The following ABCC11 variants were observed in gnomAD, a reference collection of about 807,000 sequenced individuals.
ABCC11 encodes ATP-binding cassette sub-family C member 11.
In ABCC11, 135 loss-of-function variants were observed where a neutral mutation model predicts 149.3. The observed-to-expected ratio is 0.90, with a 90% CI of 0.79 to 1.04. ABCC11 has a LOEUF of 1.04. ABCC11 is among the 50% of genes least tolerant of loss of function. ABCC11 has a pLI of 0.00. For synonymous variants in ABCC11, 665 were observed against 671.4 expected, an observed-to-expected ratio of 0.99 and a Z score of 0.15; for missense variants, 1,680 against 1,722.1, an observed-to-expected ratio of 0.98 and a Z score of 0.43.
chr16:48,192,555 C>T lies in ABCC11; in HGVS notation c.2671G>A (p.Ala891Thr). 2 of 1,614,238 alleles carry T rather than the reference C, an allele frequency of 1.2e-6. No homozygotes were observed. The highest frequency in any genetic ancestry group is 1.7e-6 in the Non-Finnish European group (2 of 1,180,058). Residue 891 changes from alanine to threonine, a missense_variant, in exon 20 of 30, where the codon GCA becomes ACA. Ala to Thr is a moderately conservative substitution (Grantham distance 58). Transcript: ENST00000356608. The stretch of plus-strand genomic sequence containing the variant: ...AGCTTGTTGTGCAGGGCCGTGGATG[C>T]CTTCCTCGTGACCTTGGTGAAAATC... Reference protein sequence around the residue: ...SGIFTKVTRKASTALHNKLFN... With the variant: ...SGIFTKVTRKTSTALHNKLFN...
Position 48,216,227 on chromosome 16 carries a change from G to T in ABCC11, c.838C>A (p.Leu280Ile). ...AGCGATGCGCAGGTGATCAGTACTA[G>T]GGGTCCATAGCACACCCCTTCAAAC... is the stretch of plus-strand genomic sequence containing the variant. ...YLFEGVCYGP[L>I]VLITCASLVI... Residue 280 changes from leucine (L) to isoleucine (I), a missense_variant, in exon 7 of 30, where the codon CTA (leucine) becomes ATA (isoleucine). Leu to Ile is a conservative substitution (Grantham distance 5). Coordinates refer to ENST00000356608, the MANE Select transcript of ABCC11 (RefSeq NM_001370497.1). The T allele has an allele frequency of 6.2e-7, 1 of 1,614,124 alleles. No individual in the cohort carries two copies. Among genetic ancestry groups the T allele is most frequent in the South Asian group, 1.1e-5 (1 of 91,078 alleles).
chr16:48,183,505 G>A (rs993422628), intron 23 of ABCC11, among the ~76,000 whole-genome samples: 1 of 152,198 alleles, frequency 6.6e-6, no homozygotes, highest in Non-Finnish European at 1.5e-5. Flanking sequence ...GTTAACACCT[G>A]AGTGCCAGCA....
At chr16:48,165,731 A>G (rs1019116559), downstream of ABCC11, 2 of 152,184 alleles carry the variant, frequency 1.3e-5, no homozygotes, top group African/African-American at 4.8e-5. Context: ...CAGGGACACC[A>G]TTTCATCCCC....
rs760378325 is a variant in ABCC11 at position 48,198,229 on chromosome 16, A to AT, written c.2128dup (p.Ile710AsnfsTer3). On this transcript the variant is annotated frameshift_variant, in exon 16 of 30. Coordinates refer to ENST00000356608, the MANE Select transcript of ABCC11 (RefSeq NM_001370497.1). LOFTEE classifies it high-confidence loss of function. ...CTCACTGTGAGTTCCATTTTCACAG[A>AT]TTTTCCCATTTTCCAACAAAATGAT... 1.9e-6 allele frequency: 3 copies of AT among 1,614,184 alleles called. No individual in the cohort carries two copies. Among genetic ancestry groups the AT allele is most frequent in the East Asian group, 2.2e-5 (1 of 44,886 alleles).
intron 10 of ABCC11, 64 bp downstream of exon 10, chr16:48,213,379 A>G (rs1235572051): frequency 2.1e-6 from 3 of 1,435,274 alleles, no homozygotes; most frequent in African/African-American, 1.4e-5. Context: ...GAGGAACATC[A>G]TGGGGGCTGA....
chr16:48,195,423 G>A (rs377110548), intron 18 of ABCC11, among the ~76,000 whole-genome samples: 18 of 152,202 alleles, frequency 1.2e-4, no homozygotes, highest in African/African-American at 2.9e-4. Context: ...TGGGGACGGC[G>A]TTCTGTGTGC....
At position 48,167,312 on chromosome 16, in the gene ABCC11, C is replaced by T. The variant is rs139034695; in HGVS notation, c.4111G>A (p.Ala1371Thr). The T allele has an allele frequency of 9.2e-5, 86 of 932,004 alleles. No individual in the cohort carries two copies. Among genetic ancestry groups the T allele is most frequent in the Middle Eastern group, 2.1e-4 (1 of 4,712 alleles). The allele number at this position is 932,004 out of a possible 1,614,324, so 57.7% of individuals were successfully genotyped here. ...GAAGTGGCTGTGGCCATGAGGGCTGCGAACAATGACCCAGGCTTCTTCCGC... is the reference window on the plus strand; with the variant it reads ...GAAGTGGCTGTGGCCATGAGGGCTGTGAACAATGACCCAGGCTTCTTCCGC... ...VLRKKPGSLF[A>T]ALMATATSSL... Residue 1371 changes from alanine to threonine, a missense_variant, in exon 30 of 30, where the codon GCA (alanine) becomes ACA (threonine). Transcript: ENST00000356608.
chr16:48,208,425 C>T lies in ABCC11; in HGVS notation c.1680G>A (p.Glu560=), dbSNP rs1227080279. The T allele has an allele frequency of 6.2e-7, 1 of 1,614,142 alleles. No homozygotes were observed. The highest frequency in any genetic ancestry group is 8.5e-7 in the Non-Finnish European group (1 of 1,180,010). ...KSSLLSAILE[E]MHLLEGSVGV... Reference sequence around the variant, plus strand: ...AAGCATGTGGCCACAGATCACTTACCTCCTCCAGGATGGCTGACAACAGGC... The same window carrying T: ...AAGCATGTGGCCACAGATCACTTACTTCCTCCAGGATGGCTGACAACAGGC... The change falls in exon 12 of 30, where the codon GAG becomes GAA. Residue 560 remains glutamate (E), a splice_region_variant and synonymous_variant. Coordinates refer to ENST00000356608, the MANE Select transcript of ABCC11 (RefSeq NM_001370497.1).
chr16:48,233,092 T>C (rs1026069372), intron 1 of ABCC11, among the ~76,000 whole-genome samples: 2 of 152,090 alleles, frequency 1.3e-5, no homozygotes, highest in African/African-American at 4.8e-5. Context: ...TCTCAGCTAC[T>C]TAAGAGGCTG....
intron 2 of ABCC11, 99 bp from the exon 3 acceptor site, chr16:48,230,672 A>G: frequency 1.5e-6 from 2 of 1,290,666 alleles, no homozygotes; most frequent in African/African-American, 1.5e-5. Flanking sequence ...GGATTTTTCC[A>G]TATCCTGCTT....
chr16:48,234,930 ATTCT>A (rs1202191725), intron 1 of ABCC11, among the ~76,000 whole-genome samples: 5 of 150,154 alleles, frequency 3.3e-5, no homozygotes, highest in Non-Finnish European at 7.4e-5. Context: ...CAGGTTCCTG[ATTCT>A]TTCTCTGCCA....
At chr16:48,201,478 T>C (rs1251305554) in intron 14 of ABCC11, among the ~76,000 whole-genome samples, 12 of 146,752 alleles carry the variant, frequency 8.2e-5, no homozygotes, top group East Asian at 3.9e-4. Flanking sequence ...CTTTTTCTTT[T>C]TTTTTTTTTT....
chr16:48,244,145 A>T (rs1971181694), intron 1 of ABCC11: 1 of 444,754 alleles, frequency 2.2e-6, no homozygotes, highest in South Asian at 5.0e-5. Context: ...TCTGTAAGTG[A>T]GGCGAAGGTC....
chr16:48,178,617 T>C lies in ABCC11; in HGVS notation c.3328A>G (p.Arg1110Gly), dbSNP rs773583935. ...CCCACCTTCATGTACTGCAGTATCCTCTCTACAGCCGTGAACTGTGCCTCT... is the reference window on the plus strand; with the variant it reads ...CCCACCTTCATGTACTGCAGTATCCCCTCTACAGCCGTGAACTGTGCCTCT... Reference protein sequence around the residue: ...ETEAQFTAVERILQYMKMCVS... With the variant: ...ETEAQFTAVEGILQYMKMCVS... The change falls in exon 24 of 30, where the codon AGG becomes GGG. Residue 1110 changes from arginine to glycine, a missense_variant. Coordinates refer to ENST00000356608, the MANE Select transcript of ABCC11 (RefSeq NM_001370497.1). The C allele has an allele frequency of 6.2e-7, 1 of 1,614,002 alleles. No homozygotes were observed. Among genetic ancestry groups the C allele is most frequent in the South Asian group, 1.1e-5 (1 of 91,076 alleles).
At position 48,215,304 on chromosome 16, in the gene ABCC11, G is replaced by A. The variant is rs138229360; in HGVS notation, c.992C>T (p.Thr331Ile). The A allele has an allele frequency of 1.2e-4, 191 of 1,614,130 alleles. No individual in the cohort carries two copies. In the Middle Eastern group the frequency reaches 1.5e-3, roughly 13 times the overall value. ...GATGCGCTGGTCGCTGACCTCAGATGTGTGATGCTGAGCCTTCACAGCCAT... is the reference window on the plus strand; with the variant it reads ...GATGCGCTGGTCGCTGACCTCAGATATGTGATGCTGAGCCTTCACAGCCAT... ...TRMAVKAQHHTSEVSDQRIRV... is the reference protein window; with the variant it reads ...TRMAVKAQHHISEVSDQRIRV... Residue 331 changes from threonine (T) to isoleucine (I), a missense_variant, in exon 8 of 30, where the codon ACA becomes ATA. Thr to Ile is a moderately conservative substitution (Grantham distance 89). Transcript: ENST00000356608.
At chr16:48,188,964 G>A (rs912297978) in intron 20 of ABCC11, among the ~76,000 whole-genome samples, 2 of 152,244 alleles carry the variant, frequency 1.3e-5, no homozygotes, top group Admixed American at 1.3e-4. Flanking sequence ...AGTGTTCTCT[G>A]TAGCTGCTCT....
At chr16:48,243,378 G>A (rs1971107379) in intron 1 of ABCC11, among the ~76,000 whole-genome samples, 1 of 147,520 alleles carries the variant, frequency 6.8e-6, no homozygotes, top group African/African-American at 2.5e-5. Flanking sequence ...CTCCAGCCTG[G>A]GTGACAGAGC....
intron 13 of ABCC11, among the ~76,000 whole-genome samples, chr16:48,204,567 A>G (rs1000443568): frequency 1.3e-5 from 2 of 152,194 alleles, no homozygotes. Flanking sequence ...TGAGTTGCAC[A>G]ATTTGGGAAA....
intron 6 of ABCC11, among the ~76,000 whole-genome samples, chr16:48,217,299 C>T (rs1969411885): frequency 6.6e-6 from 1 of 151,980 alleles, no homozygotes; most frequent in African/African-American, 2.4e-5. Context: ...TTCCCTCCTC[C>T]CACATATACT....
Sources: gnomAD v4.1 joint callset for allele counts (sites outside exome capture counted in the v4.1 genomes callset) on GRCh38, gnomAD v4.1.1 for gene constraint, MANE v1.5 for transcripts, NCBI Gene and HGNC (gene_info 2026-07-23, HGNC 2026-07-21) for gene names.